The following VPS13B variants were observed in gnomAD, a reference collection of about 807,000 sequenced individuals.
VPS13B encodes intermembrane lipid transfer protein VPS13B.
In VPS13B, 285 loss-of-function variants were observed where a neutral mutation model predicts 426.4. The ratio of observed to expected loss-of-function variants is 0.67; its 90% CI spans 0.61 to 0.74. The LOEUF (loss-of-function observed/expected upper bound fraction) is 0.74, where lower values mean the gene tolerates loss of function less well. Among genes scored for constraint, VPS13B ranks in the 30% least tolerant of loss-of-function variants. The pLI is 0.00. For missense variants in VPS13B, 4,537 were observed against 4,782.6 expected (o/e 0.95, Z 1.51); for synonymous variants, 1,676 against 1,676.4 (o/e 1.00, Z 0.01).
intron 19 of VPS13B, among the ~76,000 whole-genome samples, chr8:99,322,616 A>C (rs1810037008): frequency 6.6e-6 from 1 of 152,212 alleles, no homozygotes; most frequent in African/African-American, 2.4e-5. Context: ...TTTAACATGA[A>C]TGCAATCCAC....
At position 99,530,178 on chromosome 8, in the gene VPS13B, T is replaced by A. The variant is rs551762772; in HGVS notation, c.4745+9168T>A. Among the ~76,000 whole-genome samples the A allele has an allele frequency of 2.1e-3, 326 of 152,360 alleles. 1 individual carries two copies. Among genetic ancestry groups the A allele is most frequent in the African/African-American group, 7.6e-3 (314 of 41,586 alleles). ...TTTAAAAATCCTTAAGAATCGCATCTATTTTTTAATATCTTACTTAAATCT... is the reference window on the plus strand; with the variant it reads ...TTTAAAAATCCTTAAGAATCGCATCAATTTTTTAATATCTTACTTAAATCT... On this transcript the variant is annotated intron_variant, in intron 30 of 61. Coordinates refer to ENST00000357162, the MANE Select transcript of VPS13B (RefSeq NM_152564.5).
rs770947718 is a variant in VPS13B, at chr8:99,623,994, C to CATATATATATATATAT, written c.5221-17803_5221-17802insATATATATATATATAT. Among the ~76,000 whole-genome samples the CATATATATATATATAT allele has an allele frequency of 2.7e-3, 148 of 53,928 alleles. 1 individual carries two copies. The highest frequency in any genetic ancestry group is 8.2e-3 in the East Asian group (9 of 1,096). 35.4% of individuals were successfully genotyped at this position (53,928 alleles called of 152,430 possible). A position where few individuals can be genotyped will look rare whatever the true frequency, so the allele number is the denominator to read the frequency against. On this transcript the variant is annotated intron_variant, in intron 33 of 61. Coordinates refer to ENST00000357162, the MANE Select transcript of VPS13B (RefSeq NM_152564.5). Reference sequence around the variant, plus strand: ...GTAAAGGCTATGTCTATGAAACATACATATATATATATATTTTTTTTTTTT... The same window carrying CATATATATATATATAT: ...GTAAAGGCTATGTCTATGAAACATACATATATATATATATATATATATATATATATTTTTTTTTTTT...
intron 24 of VPS13B, among the ~76,000 whole-genome samples, chr8:99,470,420 G>C (rs1001759896): frequency 2.6e-5 from 4 of 151,932 alleles, no homozygotes; most frequent in Non-Finnish European, 5.9e-5. Flanking sequence ...TAAATGAAAA[G>C]GCAATAAATC....
intron 3 of VPS13B, among the ~76,000 whole-genome samples, chr8:99,046,832 T>C (rs1843265345): frequency 6.6e-6 from 1 of 152,236 alleles, no homozygotes; most frequent in Non-Finnish European, 1.5e-5. Context: ...AGCACATTTA[T>C]TGACTCGTGT....
At chr8:99,241,218 T>C (rs1359005604) in intron 17 of VPS13B, 1 of 152,188 alleles carries the variant, frequency 6.6e-6, no homozygotes, top group African/African-American at 2.4e-5. Flanking sequence ...CTTAGGTCTT[T>C]TAAAATAAAA....
At chr8:99,132,590 C>G (rs889969630) in intron 8 of VPS13B, among the ~76,000 whole-genome samples, 1 of 151,750 alleles carries the variant, frequency 6.6e-6, no homozygotes, top group South Asian at 2.1e-4. Context: ...TTTACTTTGC[C>G]TAGATCCATC....
intron 33 of VPS13B, among the ~76,000 whole-genome samples, chr8:99,580,984 A>AACACAC (rs34074519): frequency 0.077 from 9,747 of 126,564 alleles, 485 homozygotes; most frequent in African/African-American, 0.11. Context: ...ATCTCTACAA[A>AACACAC]ACACACACAC....
chr8:99,654,016 T>C, intron 34 of VPS13B, among the ~76,000 whole-genome samples: 1 of 151,302 alleles, frequency 6.6e-6, no homozygotes, highest in East Asian at 1.9e-4. Flanking sequence ...TGTCCTGACA[T>C]TGGATGATGA....
intron 39 of VPS13B, among the ~76,000 whole-genome samples, chr8:99,742,584 C>G (rs1291964204): frequency 6.6e-6 from 1 of 152,184 alleles, no homozygotes; most frequent in East Asian, 1.9e-4. Flanking sequence ...CAATAAAATA[C>G]TGGCAAACCG....
intron 19 of VPS13B, among the ~76,000 whole-genome samples, chr8:99,335,268 C>A (rs768233648): frequency 6.6e-5 from 10 of 152,040 alleles, no homozygotes; most frequent in Non-Finnish European, 1.5e-4. Context: ...ATTAGTCTTG[C>A]TAGCAGTCTA....
At chr8:99,501,543 G>T in intron 25 of VPS13B, 144 bp from the exon 26 acceptor site, 1 of 772,766 alleles carries the variant, frequency 1.3e-6, no homozygotes, top group Non-Finnish European at 2.1e-6. Context: ...ATTATGTATT[G>T]GTATTAACAT....
intron 33 of VPS13B, among the ~76,000 whole-genome samples, chr8:99,608,580 G>A (rs1052809568): frequency 2.0e-5 from 3 of 152,076 alleles, no homozygotes; most frequent in East Asian, 1.9e-4. Context: ...CCACAATTTT[G>A]GAATAATTTT....
chr8:99,696,852 T>C (rs1208469802), intron 35 of VPS13B: 2 of 939,748 alleles, frequency 2.1e-6, no homozygotes, highest in Non-Finnish European at 1.8e-6. Context: ...TGCAAGCTGC[T>C]GGAGCTGCAG....
At chr8:99,653,023 A>G (rs933711837) in intron 34 of VPS13B, among the ~76,000 whole-genome samples, 1 of 152,196 alleles carries the variant, frequency 6.6e-6, no homozygotes, top group Admixed American at 6.5e-5. Context: ...CAGAAATCAG[A>G]AATCTTGACT....
intron 40 of VPS13B, among the ~76,000 whole-genome samples, chr8:99,768,997 G>A (rs1347281621): frequency 1.3e-5 from 2 of 152,154 alleles, no homozygotes; most frequent in African/African-American, 4.8e-5. Flanking sequence ...AAGAAGCATT[G>A]TAGAGAAAGC....
chr8:99,650,097 A>T (rs1424355491), intron 34 of VPS13B, among the ~76,000 whole-genome samples: 1 of 152,178 alleles, frequency 6.6e-6, no homozygotes, highest in East Asian at 1.9e-4. Context: ...TTTAAAAATA[A>T]TAATAATGTT....
intron 2 of VPS13B, among the ~76,000 whole-genome samples, chr8:99,028,477 A>C (rs1202034535): frequency 9.4e-5 from 10 of 106,658 alleles, no homozygotes; most frequent in African/African-American, 3.7e-4. Context: ...TGGGCAGAGG[A>C]GCCCCTCACC....
rs796780715 is a variant in VPS13B, at chr8:99,393,622, G to T, written c.3082+1918G>T. The stretch of plus-strand genomic sequence containing the variant: ...CAAATGTATATTCTTACTCAAGCTT[G>T]CATAAAAATTAATAGGCATCCAACT... On this transcript the variant is annotated intron_variant, in intron 21 of 61. Transcript: ENST00000357162. 2.6e-4 allele frequency among the ~76,000 whole-genome samples: 40 copies of T among 152,028 alleles called. 1 individual carries two copies. The highest frequency in any genetic ancestry group is 6.6e-5 in the Admixed American group (1 of 15,260).
At chr8:99,023,419 A>C (rs981579773) in intron 2 of VPS13B, among the ~76,000 whole-genome samples, 3 of 149,138 alleles carry the variant, frequency 2.0e-5, no homozygotes, top group Non-Finnish European at 4.4e-5. Context: ...AAAAGACAAG[A>C]TTTTTTTTCT....
Sources: gnomAD v4.1 joint callset for allele counts (sites outside exome capture counted in the v4.1 genomes callset) on GRCh38, gnomAD v4.1.1 for gene constraint, MANE v1.5 for transcripts, NCBI Gene and HGNC (gene_info 2026-07-23, HGNC 2026-07-21) for gene names.